The following RNF216 variants were observed in gnomAD, a reference collection of about 807,000 sequenced individuals.
The protein encoded by RNF216 is ring finger protein 216, also known as E3 ubiquitin-protein ligase RNF216.
RNF216 carries 72 observed loss-of-function variants against 110.8 expected under a neutral mutation model. The observed-to-expected ratio is 0.65, with a 90% CI of 0.54 to 0.79. The LOEUF (loss-of-function observed/expected upper bound fraction) is 0.79, where lower values mean the gene tolerates loss of function less well. Among genes scored for constraint, RNF216 ranks in the 30% least tolerant of loss-of-function variants. The pLI, the probability that RNF216 is intolerant of heterozygous loss-of-function variation, is 0.00. For missense variants in RNF216, 1,342 were observed against 1,141.2 expected (o/e 1.18, Z -2.54); for synonymous variants, 495 against 407.5 (o/e 1.21, Z -2.59).
At chr7:5,654,295 T>G (rs149200716) in intron 13 of RNF216, among the ~76,000 whole-genome samples, 1 of 152,208 alleles carries the variant, frequency 6.6e-6, no homozygotes, top group Non-Finnish European at 1.5e-5. Context: ...ATATGTGTAC[T>G]ATCTAATAAA....
chr7:5,712,008 G>A lies in RNF216; in HGVS notation c.1983-169C>T, dbSNP rs79123269. The A allele has an allele frequency of 2.9e-3, 1,737 of 608,386 alleles. 21 individuals are homozygous for A. The African/African-American group carries it at 0.029, about 10-fold the overall frequency. The allele number at this position is 608,386 out of a possible 1,614,324, so 37.7% of individuals were successfully genotyped here. Reference sequence around the variant, plus strand: ...ACAGATTGAACCTCTTCTTTGTGCTGGCTCTTATCAGGAAACATAAGCACC... The same window carrying A: ...ACAGATTGAACCTCTTCTTTGTGCTAGCTCTTATCAGGAAACATAAGCACC... On this transcript the variant is annotated intron_variant, in intron 12 of 16. Coordinates refer to ENST00000389902, the MANE Select transcript of RNF216 (RefSeq NM_207111.4).
Position 5,680,077 on chromosome 7 carries a change from G to A in RNF216, c.2062-27567C>T, listed in dbSNP as rs1790552196. ...CTACCCTGTTTAATGACCATGGATA[G>A]ACTTCCTGCTGCAATCAGGAAGAAG... On this transcript the variant is annotated intron_variant, in intron 13 of 16. Coordinates refer to ENST00000389902, the MANE Select transcript of RNF216 (RefSeq NM_207111.4). This position sits in a 1 kb window ranked among gnomAD's most constrained non-coding sequence, Gnocchi z 4.3. 6.6e-6 allele frequency among the ~76,000 whole-genome samples: 1 copy of A among 152,170 alleles called. No individual in the cohort carries two copies. The highest frequency in any genetic ancestry group is 1.5e-5 in the Non-Finnish European group (1 of 68,026).
At chr7:5,746,007 T>G (rs1040808163) in intron 3 of RNF216, among the ~76,000 whole-genome samples, 46 of 152,128 alleles carry the variant, frequency 3.0e-4, no homozygotes, top group African/African-American at 1.1e-3. Context: ...ACTAAATTTG[T>G]TGTAATTTTG....
At chr7:5,676,832 T>C (rs3807583) in intron 13 of RNF216, among the ~76,000 whole-genome samples, 16,816 of 152,226 alleles carry the variant, frequency 0.11, 1,060 homozygotes, top group South Asian at 0.17. Flanking sequence ...TCTCTGGTCA[T>C]TGTCCCAGGC....
chr7:5,673,172 T>TGGTCACCAGCACCACCCC (rs1298761670), intron 13 of RNF216, among the ~76,000 whole-genome samples: 1 of 152,174 alleles, frequency 6.6e-6, no homozygotes, highest in Non-Finnish European at 1.5e-5. Context: ...AGTACCGCAC[T>TGGTCACCAGCACCACCCC]GGTCACCAGC....
chr7:5,731,166 C>T (rs574466577), intron 5 of RNF216, among the ~76,000 whole-genome samples: 8 of 152,244 alleles, frequency 5.3e-5, no homozygotes, highest in African/African-American at 1.4e-4. Context: ...TACTCTTTGT[C>T]GAGAAAACTA....
At chr7:5,649,269 G>A (rs748034674) in intron 14 of RNF216, among the ~76,000 whole-genome samples, 30 of 151,732 alleles carry the variant, frequency 2.0e-4, no homozygotes, top group Non-Finnish European at 3.2e-4. Context: ...GCAGGCGCCT[G>A]TAATCCCAGC....
intron 13 of RNF216, among the ~76,000 whole-genome samples, chr7:5,668,208 T>C (rs1171298526): frequency 6.6e-6 from 1 of 151,230 alleles, no homozygotes; most frequent in Non-Finnish European, 1.5e-5. Context: ...CTTCTCAGAG[T>C]AAATAGCAAA....
chr7:5,758,357 A>G (rs1179160274), intron 2 of RNF216, among the ~76,000 whole-genome samples: 1 of 152,232 alleles, frequency 6.6e-6, no homozygotes, highest in Non-Finnish European at 1.5e-5. Context: ...TGCACTCATA[A>G]TGTGCATAGC....
At chr7:5,742,887 C>T (rs1303387886) in intron 3 of RNF216, among the ~76,000 whole-genome samples, 2 of 151,994 alleles carry the variant, frequency 1.3e-5, no homozygotes, top group East Asian at 1.9e-4. Context: ...TGGGGCACCG[C>T]GCTTGGCCGA....
chr7:5,642,346 T>G (rs1307741432), intron 14 of RNF216, among the ~76,000 whole-genome samples: 1 of 151,990 alleles, frequency 6.6e-6, no homozygotes, highest in African/African-American at 2.4e-5. Context: ...CCCAAGTAGC[T>G]GGGATTACAG....
chr7:5,774,431 C>T (rs1292697058), intron 1 of RNF216, among the ~76,000 whole-genome samples: 3 of 152,056 alleles, frequency 2.0e-5, no homozygotes, highest in Non-Finnish European at 4.4e-5. Context: ...AGAGGGAGAA[C>T]CTACCTCCAA....
In RNF216 at chr7:5,720,863, A is replaced by G. The variant is rs149479001; in HGVS notation, c.1644+170T>C. On this transcript the variant is annotated intron_variant, in intron 9 of 16. Transcript: ENST00000389902. ...GAATCTGATTTATGAAACCACAAAC[A>G]TAAGTATTATGACAAAATCCAGGTT... 7.3e-4 allele frequency among the ~76,000 whole-genome samples: 111 copies of G among 152,356 alleles called. 1 individual carries two copies. Among genetic ancestry groups the G allele is most frequent in the African/African-American group, 2.2e-3 (93 of 41,584 alleles).
At chr7:5,716,796 C>T (rs762765001) in intron 9 of RNF216, 30 bp from the exon 10 acceptor site, 1 of 1,580,336 alleles carries the variant, frequency 6.3e-7, no homozygotes, top group Non-Finnish European at 8.6e-7. Context: ...CACATTCAGA[C>T]ACAAATTTAG....
chr7:5,749,402 C>T (rs1280482801), intron 3 of RNF216, among the ~76,000 whole-genome samples: 2 of 152,078 alleles, frequency 1.3e-5, no homozygotes, highest in Non-Finnish European at 2.9e-5. Context: ...CCACTCGCCT[C>T]GGCCTCCCAA....
chr7:5,674,661 T>G (rs971604131), intron 13 of RNF216, among the ~76,000 whole-genome samples: 2 of 149,960 alleles, frequency 1.3e-5, no homozygotes, highest in African/African-American at 4.9e-5. Flanking sequence ...AAAAGTCAGC[T>G]GGGAATTCCT....
intron 1 of RNF216, among the ~76,000 whole-genome samples, chr7:5,773,086 A>T (rs970056795): frequency 5.9e-5 from 9 of 151,980 alleles, no homozygotes; most frequent in Non-Finnish European, 1.2e-4. Context: ...GGCCCCAGGT[A>T]TTCCCACTTT....
intron 13 of RNF216, among the ~76,000 whole-genome samples, chr7:5,652,820 G>C (rs1334109310): frequency 6.6e-6 from 1 of 152,088 alleles, no homozygotes; most frequent in Non-Finnish European, 1.5e-5. Context: ...TGGGGGAGGA[G>C]AGGGGAGTGG....
chr7:5,753,113 C>T (rs1420101890), intron 2 of RNF216, 134 bp from the exon 3 acceptor site: 3 of 811,074 alleles, frequency 3.7e-6, no homozygotes, highest in Non-Finnish European at 3.6e-6. Context: ...TCAAGCAGCC[C>T]GTGCACTTAA....
Sources: gnomAD v4.1 joint callset for allele counts (sites outside exome capture counted in the v4.1 genomes callset) on GRCh38, gnomAD v4.1.1 for gene constraint, Gnocchi (gnomAD v3.1) non-coding constraint, MANE v1.5 for transcripts, NCBI Gene and HGNC (gene_info 2026-07-23, HGNC 2026-07-21) for gene names.